Variants in ABCA3 observed in about 807,000 individuals in gnomAD.
The protein encoded by ABCA3 is ATP binding cassette subfamily A member 3.
A neutral mutation model predicts 172.8 loss-of-function variants in ABCA3; 88 were observed. The observed-to-expected ratio is 0.51, with a 90% confidence interval of 0.43 to 0.61. The LOEUF is 0.61. ABCA3 is among the 20% of genes least tolerant of loss of function. ABCA3 has a pLI of 0.00. For synonymous variants in ABCA3, 1,066 were observed against 983.8 expected, an observed-to-expected ratio of 1.08 and a Z score of -1.56; for missense variants, 2,164 against 2,301.0, an observed-to-expected ratio of 0.94 and a Z score of 1.22.
At chr16:2,309,779 C>G (rs2093703577) in intron 10 of ABCA3, among the ~76,000 whole-genome samples, 1 of 152,112 alleles carries the variant, frequency 6.6e-6, no homozygotes, top group African/African-American at 2.4e-5. Context: ...AGTACCATGC[C>G]TAGCTAATTT....
intron 1 of ABCA3, among the ~76,000 whole-genome samples, chr16:2,330,324 T>A (rs2093741142): frequency 6.7e-6 from 1 of 150,248 alleles, no homozygotes; most frequent in Non-Finnish European, 1.5e-5. Flanking sequence ...GCTCTATTTT[T>A]TTTTTTTTTT....
Position 2,285,627 on chromosome 16 carries a change from T to C in ABCA3, c.3298A>G (p.Ile1100Val), listed in dbSNP as rs1188652578. 6.4e-7 allele frequency: 1 copy of C among 1,553,600 alleles called. No homozygotes were observed. Residue 1100 changes from isoleucine (I) to valine (V), a missense_variant, in exon 23 of 33, where the codon ATT (isoleucine) becomes GTT (valine). This residue lies in a region of ABCA3 where 795 missense variants were observed against 881.9 expected (regional missense o/e 0.90). Coordinates refer to ENST00000301732, the MANE Select transcript of ABCA3 (RefSeq NM_001089.3). The surrounding 1 kb of genome is among the most constrained non-coding windows in gnomAD (Gnocchi z 4.7). ...QFNEGRKGFD[I>V]ALNLLFAMAF... is the part of the protein sequence containing the mutation. Reference sequence around the variant, plus strand: ...ATGGCGAAGAGCAGGTTGAGGGCAATGTCGAATCCCTTCCGGCCCCTGCGG... The same window carrying C: ...ATGGCGAAGAGCAGGTTGAGGGCAACGTCGAATCCCTTCCGGCCCCTGCGG...
chr16:2,291,163 T>A (rs1029894809), intron 19 of ABCA3, among the ~76,000 whole-genome samples: 1 of 151,760 alleles, frequency 6.6e-6, no homozygotes, highest in African/African-American at 2.4e-5. Context: ...CCCATCTCTG[T>A]TAAAAATACA....
chr16:2,318,898 A>G (rs1336227026), intron 8 of ABCA3, among the ~76,000 whole-genome samples: 1 of 152,084 alleles, frequency 6.6e-6, no homozygotes, highest in Non-Finnish European at 1.5e-5. Context: ...ACTTAGGTTC[A>G]GTAACCGTTT....
intron 1 of ABCA3, among the ~76,000 whole-genome samples, chr16:2,337,388 T>C (rs1025187385): frequency 1.3e-5 from 2 of 149,414 alleles, no homozygotes; most frequent in East Asian, 1.9e-4. Context: ...TTTTTTTTTT[T>C]CATGCAGGGT....
intron 2 of ABCA3, among the ~76,000 whole-genome samples, chr16:2,329,321 A>G (rs1596868947): frequency 6.6e-6 from 1 of 152,308 alleles, no homozygotes; most frequent in East Asian, 1.9e-4. Context: ...GGTTTATAAA[A>G]GGTTTCTAGA....
rs201575440 is a variant in ABCA3, at chr16:2,324,481, T to G, written c.370A>C (p.Asn124His). The change falls in exon 6 of 33, where the codon AAC becomes CAC. Residue 124 changes from asparagine (N) to histidine (H), a missense_variant. Transcript: ENST00000301732. Reference protein sequence around the residue: ...KDFEDYIRYDNCSSSVLAAVV... With the variant: ...KDFEDYIRYDHCSSSVLAAVV... ...GCGGCCAGCACGCTGGACGAGCAGTTGTCGTACCTAATGTAGTCCTCAAAG... is the reference window on the plus strand; with the variant it reads ...GCGGCCAGCACGCTGGACGAGCAGTGGTCGTACCTAATGTAGTCCTCAAAG... 6.2e-7 allele frequency: 1 copy of G among 1,610,656 alleles called. No individual in the cohort carries two copies. The highest frequency in any genetic ancestry group is 2.2e-5 in the East Asian group (1 of 44,852).
At chr16:2,294,586 G>A (rs2093677001) in intron 18 of ABCA3, among the ~76,000 whole-genome samples, 1 of 152,156 alleles carries the variant, frequency 6.6e-6, no homozygotes. Flanking sequence ...TATTCGGGAG[G>A]CTGAGGTGGG....
At position 2,323,693 on chromosome 16, in the gene ABCA3, G is replaced by T. The variant is rs1404368526; in HGVS notation, c.448-5C>A. 1 of 1,614,096 alleles carries T rather than the reference G, an allele frequency of 6.2e-7. No individual in the cohort carries two copies. Among genetic ancestry groups the T allele is most frequent in the African/African-American group, 1.3e-5 (1 of 75,046 alleles). On this transcript the variant is annotated splice_region_variant and splice_polypyrimidine_tract_variant and intron_variant, in intron 6 of 32. Transcript: ENST00000301732. ...GAACCGTAGGTGATATTTCACCTGT[G>T]GAAACAAAGAGAAAACCAGCTGTTC...
chr16:2,280,956 T>G, intron 28 of ABCA3, 71 bp downstream of exon 28: 1 of 1,597,226 alleles, frequency 6.3e-7, no homozygotes, highest in Non-Finnish European at 8.6e-7. Context: ...CATCCCTCTG[T>G]CCCTGCCTCC....
Position 2,279,276 on chromosome 16 carries a change from A to G in ABCA3, c.4360-146T>C, listed in dbSNP as rs564319879. 780 of 944,396 alleles carry G rather than the reference A, an allele frequency of 8.3e-4. No individual in the cohort carries two copies. Among genetic ancestry groups the G allele is most frequent in the Admixed American group, 1.8e-3 (88 of 47,884 alleles). The allele number at this position is 944,396 out of a possible 1,614,324, so 58.5% of individuals were successfully genotyped here. On this transcript the variant is annotated intron_variant, in intron 28 of 32. Coordinates refer to ENST00000301732, the MANE Select transcript of ABCA3 (RefSeq NM_001089.3). This position sits in a 1 kb window ranked among gnomAD's most constrained non-coding sequence, Gnocchi z 4.4. ...GTGTGTACACGGGGGCGCTGGAGCT[A>G]TGCACAGGCCGTGGTGGCTGCCCAC...
intron 1 of ABCA3, among the ~76,000 whole-genome samples, chr16:2,338,081 A>C (rs539314710): frequency 1.3e-5 from 2 of 152,174 alleles, no homozygotes; most frequent in African/African-American, 4.8e-5. Flanking sequence ...CCCTAGGTGC[A>C]GGAAACGAGG....
At chr16:2,332,241 T>C in intron 1 of ABCA3, 1 of 436,366 alleles carries the variant, frequency 2.3e-6, no homozygotes, top group South Asian at 3.7e-5. Context: ...TTCTTTTTTT[T>C]TTTTCCTTGA....
chr16:2,291,209 G>A (rs2093671459), intron 19 of ABCA3, among the ~76,000 whole-genome samples: 2 of 152,140 alleles, frequency 1.3e-5, no homozygotes, highest in African/African-American at 4.8e-5. Context: ...TGCGCCTGCA[G>A]TCCCAGCTAC....
intron 6 of ABCA3, among the ~76,000 whole-genome samples, chr16:2,324,045 TTCCGCCAGATCA>T (rs1257835550): frequency 6.6e-6 from 1 of 152,222 alleles, no homozygotes; most frequent in Non-Finnish European, 1.5e-5. Flanking sequence ...CTTTCTTTCT[TTCCGCCAGATCA>T]TATTTAAGTC....
chr16:2,302,063 G>A (rs1192975459), intron 12 of ABCA3, among the ~76,000 whole-genome samples: 1 of 152,242 alleles, frequency 6.6e-6, no homozygotes, highest in Non-Finnish European at 1.5e-5. Flanking sequence ...CAAGTAATTC[G>A]GCCCATCCAT....
chr16:2,280,027 G>A (rs1316837201), intron 28 of ABCA3, among the ~76,000 whole-genome samples: 1 of 152,192 alleles, frequency 6.6e-6, no homozygotes, highest in African/African-American at 2.4e-5. Context: ...GGGATTATAG[G>A]CGTGAGCCAC....
Position 2,292,164 on chromosome 16 carries a change from G to A in ABCA3, c.2489C>T (p.Thr830Ile). Reference sequence around the variant, plus strand: ...CCGAAGGAAGACTTCCTCCATGGTGGTGATGGATGCCCCAAAGCTGGCAAT... The same window carrying A: ...CCGAAGGAAGACTTCCTCCATGGTGATGATGGATGCCCCAAAGCTGGCAAT... ...LGIASFGASI[T>I]TMEEVFLRVG... Residue 830 changes from threonine to isoleucine, a missense_variant, in exon 19 of 33, where the codon ACC becomes ATC. Coordinates refer to ENST00000301732, the MANE Select transcript of ABCA3 (RefSeq NM_001089.3). 6.2e-7 allele frequency: 1 copy of A among 1,613,958 alleles called. No homozygotes were observed. The highest frequency in any genetic ancestry group is 8.5e-7 in the Non-Finnish European group (1 of 1,179,854).
chr16:2,289,331 C>T, intron 20 of ABCA3, 103 bp downstream of exon 20: 3 of 1,421,770 alleles, frequency 2.1e-6, no homozygotes, highest in African/African-American at 1.4e-5. Flanking sequence ...TCTCCCGGAC[C>T]CTGTTTGCGC....
Sources: gnomAD v4.1 joint callset for allele counts (sites outside exome capture counted in the v4.1 genomes callset) on GRCh38, gnomAD v4.1.1 for gene constraint, gnomAD v4.1.1 regional missense constraint, Gnocchi (gnomAD v3.1) non-coding constraint, MANE v1.5 for transcripts, NCBI Gene and HGNC (gene_info 2026-07-23, HGNC 2026-07-21) for gene names.